Variants in PCDHGB1 observed in about 807,000 individuals in gnomAD.
PCDHGB1 encodes the protein protocadherin gamma-B1.
Under a neutral mutation model 56.6 loss-of-function variants are expected in PCDHGB1, and 34 were observed. The observed-to-expected ratio is 0.60, with a 90% CI of 0.46 to 0.80. The LOEUF is 0.80. Among genes scored for constraint, PCDHGB1 ranks in the 30% least tolerant of loss-of-function variants. The probability of loss-of-function intolerance (pLI) is 0.00; values close to 1 mark genes in which losing one functional copy is unlikely to be tolerated. For missense variants in PCDHGB1, 1,278 were observed against 1,204.6 expected, an observed-to-expected ratio of 1.06 and a Z score of -0.90; for synonymous variants, 561 against 505.9, an observed-to-expected ratio of 1.11 and a Z score of -1.46.
At chr5:141,481,811 G>A (rs1050821120) in intron 1 of PCDHGB1, among the ~76,000 whole-genome samples, 1 of 151,892 alleles carries the variant, frequency 6.6e-6, no homozygotes. Context: ...AATTCACCAG[G>A]CGTGGTGGCT....
At chr5:141,380,893 A>G (rs1776824840) in intron 1 of PCDHGB1, among the ~76,000 whole-genome samples, 2 of 152,246 alleles carry the variant, frequency 1.3e-5, no homozygotes, top group East Asian at 3.8e-4. Flanking sequence ...TTTGTTTGAA[A>G]ATATCTACAA....
chr5:141,350,849 C>A lies in PCDHGB1; in HGVS notation c.589C>A (p.Leu197Ile). ...KYPVLLLEKP[L>I]DREHQSSHRL... ...TCCGGTATTACTGCTGGAAAAACCT[C>A]TAGACAGGGAACATCAGAGCTCTCA... The change falls in exon 1 of 4, where the codon CTA becomes ATA. Residue 197 changes from leucine (L) to isoleucine (I), a missense_variant. By Grantham distance (5) the Leu-to-Ile change is conservative. Coordinates refer to ENST00000523390, the MANE Select transcript of PCDHGB1 (RefSeq NM_018922.3). 1 of 1,614,064 alleles carries A rather than the reference C, an allele frequency of 6.2e-7. No individual in the cohort carries two copies. The highest frequency in any genetic ancestry group is 8.5e-7 in the Non-Finnish European group (1 of 1,179,904).
intron 1 of PCDHGB1, chr5:141,376,960 T>C (rs1773581564): frequency 6.1e-6 from 1 of 162,766 alleles, no homozygotes; most frequent in Admixed American, 5.9e-5. Context: ...GTGCTGGGAT[T>C]ACAGGCGTGA....
chr5:141,478,424 G>A, intron 1 of PCDHGB1: 2 of 1,613,686 alleles, frequency 1.2e-6, no homozygotes, highest in African/African-American at 1.3e-5. Context: ...CCGCCGCAGC[G>A]ACCCGCTGCT....
rs149314216 is a variant in PCDHGB1, at chr5:141,487,041, G to A, written c.2410-7766G>A. 2.1e-3 allele frequency: 3,442 copies of A among 1,614,128 alleles called. 3 individuals carry two copies. Among genetic ancestry groups the A allele is most frequent in the Non-Finnish European group, 2.7e-3 (3,235 of 1,180,026 alleles). ...GATCCCAGCCTGTTTGCAGTCTCTC[G>A]ATATGCTGGGGAGGTGCGGACGGCT... On this transcript the variant is annotated intron_variant, in intron 1 of 3. Transcript: ENST00000523390. The surrounding 1 kb of genome is among the most constrained non-coding windows in gnomAD (Gnocchi z 5.0).
chr5:141,421,611 T>C lies in PCDHGB1; in HGVS notation c.2409+68942T>C, dbSNP rs747573417. 6.8e-6 allele frequency: 11 copies of C among 1,613,694 alleles called. No homozygotes were observed. The African/African-American group carries it at 1.3e-4, about 20-fold the overall frequency. On this transcript the variant is annotated intron_variant, in intron 1 of 3. Transcript: ENST00000523390. ...TGGAGGTGGAAATAATAGATATTAA[T>C]GATAACGCCCCCAGCTTCCAGGAGG...
chr5:141,450,568 C>A (rs2098685790), intron 1 of PCDHGB1, among the ~76,000 whole-genome samples: 1 of 152,002 alleles, frequency 6.6e-6, no homozygotes. Flanking sequence ...CTCACTGCAA[C>A]TTCTGCCTCC....
intron 1 of PCDHGB1, among the ~76,000 whole-genome samples, chr5:141,492,869 A>G (rs975868829): frequency 6.6e-6 from 1 of 152,010 alleles, no homozygotes; most frequent in African/African-American, 2.4e-5. Context: ...CTGGCTCTCA[A>G]CCCCCAGAGA....
chr5:141,388,747 C>T (rs1434278785), intron 1 of PCDHGB1: 2 of 1,613,862 alleles, frequency 1.2e-6, no homozygotes, highest in African/African-American at 1.3e-5. Context: ...AGCCAGATCA[C>T]CCAATTTGAC....
chr5:141,369,242 A>G (rs1766108609), intron 1 of PCDHGB1, among the ~76,000 whole-genome samples: 1 of 152,200 alleles, frequency 6.6e-6, no homozygotes, highest in South Asian at 2.1e-4. Flanking sequence ...TTACTTATAT[A>G]ATTAAATAAT....
intron 1 of PCDHGB1, chr5:141,414,666 A>G (rs1243321329): frequency 6.2e-7 from 1 of 1,614,002 alleles, no homozygotes; most frequent in Admixed American, 1.7e-5. Context: ...CCCTGGCTGA[A>G]GACACCATCC....
At chr5:141,488,042 G>T (rs2099670966) in intron 1 of PCDHGB1, among the ~76,000 whole-genome samples, 1 of 152,168 alleles carries the variant, frequency 6.6e-6, no homozygotes, top group Non-Finnish European at 1.5e-5. Context: ...TTTCCCAAGG[G>T]ATTGAGGGGA....
chr5:141,369,822 T>C (rs550233059), intron 1 of PCDHGB1, among the ~76,000 whole-genome samples: 1 of 152,318 alleles, frequency 6.6e-6, no homozygotes, highest in Non-Finnish European at 1.5e-5. Context: ...ATAGCTTCCA[T>C]TTGTATGATT....
chr5:141,494,882 C>T lies in PCDHGB1; in HGVS notation c.2468+17C>T, dbSNP rs771484301. On this transcript the variant is annotated intron_variant, in intron 2 of 3. Transcript: ENST00000523390. ...CACCAGCGGGTAGGTGACTGATTCT[C>T]CAGCCCACCCTCTTCTCTGCGGCAT... is the stretch of plus-strand genomic sequence containing the variant. 35 of 1,614,128 alleles carry T rather than the reference C, an allele frequency of 2.2e-5. No homozygotes were observed. The highest frequency in any genetic ancestry group is 3.3e-4 in the Middle Eastern group (2 of 6,060).
rs368438944 is a variant in PCDHGB1, at chr5:141,350,232, G to A, written c.-29G>A. ...ATTTCTTTTTGAAAAACATCCCAGAGGAAAGAAGCTCCGCGGAGAGTTCCT... is the reference window on the plus strand; with the variant it reads ...ATTTCTTTTTGAAAAACATCCCAGAAGAAAGAAGCTCCGCGGAGAGTTCCT... On this transcript the variant is annotated 5_prime_UTR_variant, in exon 1 of 4. Coordinates refer to ENST00000523390, the MANE Select transcript of PCDHGB1 (RefSeq NM_018922.3). 158 of 1,502,678 alleles carry A rather than the reference G, an allele frequency of 1.1e-4. 1 individual carries two copies. Among genetic ancestry groups the A allele is most frequent in the South Asian group, 2.8e-5 (2 of 70,498 alleles). 93.1% of individuals were successfully genotyped at this position (1,502,678 alleles called of 1,614,324 possible).
chr5:141,388,170 T>C (rs756859307), intron 1 of PCDHGB1: 9 of 1,495,754 alleles, frequency 6.0e-6, no homozygotes, highest in Non-Finnish European at 8.3e-6. Flanking sequence ...GGAGGAGATA[T>C]GCGGGAAGAA....
chr5:141,359,484 C>A (rs1229655985), intron 1 of PCDHGB1, among the ~76,000 whole-genome samples: 1 of 150,418 alleles, frequency 6.6e-6, no homozygotes, highest in Non-Finnish European at 1.5e-5. Flanking sequence ...GTTGTATATT[C>A]ATATTACGGA....
At chr5:141,492,487 C>G (rs1031047955) in intron 1 of PCDHGB1, among the ~76,000 whole-genome samples, 1 of 152,222 alleles carries the variant, frequency 6.6e-6, no homozygotes, top group Non-Finnish European at 1.5e-5. Flanking sequence ...CGCCCAGGAC[C>G]AGGCGAGGAC....
intron 1 of PCDHGB1, chr5:141,360,456 T>C: frequency 6.2e-7 from 1 of 1,613,990 alleles, no homozygotes; most frequent in Non-Finnish European, 8.5e-7. Flanking sequence ...TGGATTTCGA[T>C]ACTGTCGCTG....
Sources: allele counts gnomAD v4.1 joint callset (sites outside exome capture counted in the v4.1 genomes callset), GRCh38; gene constraint gnomAD v4.1.1; non-coding constraint Gnocchi (gnomAD v3.1); transcripts MANE v1.5; gene names NCBI Gene and HGNC (gene_info 2026-07-23, HGNC 2026-07-21).